TWIST2: variants seen among roughly 807,000 people sequenced by gnomAD.
TWIST2 encodes the protein twist family bHLH transcription factor 2, also known as twist-related protein 2.
A neutral mutation model predicts 11.6 loss-of-function variants in TWIST2; 1 was observed. The observed-to-expected ratio is 0.09, with a 90% CI of 0.03 to 0.41. The LOEUF (loss-of-function observed/expected upper bound fraction) is 0.41, where lower values mean the gene tolerates loss of function less well. TWIST2 is among the 10% of genes least tolerant of loss of function. TWIST2 has a pLI of 0.98. For synonymous variants in TWIST2, 87 were observed against 96.6 expected, an observed-to-expected ratio of 0.90 and a Z score of 0.58; for missense variants, 168 against 226.4, an observed-to-expected ratio of 0.74 and a Z score of 1.66.
intron 1 of TWIST2, among the ~76,000 whole-genome samples, chr2:238,905,952 TGTGTACGTGTGC>T (rs1693345314): frequency 0.015 from 1,764 of 114,556 alleles, 37 homozygotes; most frequent in African/African-American, 0.056. Flanking sequence ...TGCGCGCGCG[TGTGTACGTGTGC>T]GTGTGTGTGC....
At chr2:238,874,953 G>A (rs889315997) in intron 1 of TWIST2, among the ~76,000 whole-genome samples, 1 of 152,274 alleles carries the variant, frequency 6.6e-6, no homozygotes, top group East Asian at 1.9e-4. Context: ...TCCAGGCTCT[G>A]TTGATGACTT....
At chr2:238,853,833 C>T (rs904978220) in intron 1 of TWIST2, among the ~76,000 whole-genome samples, 1 of 152,198 alleles carries the variant, frequency 6.6e-6, no homozygotes, top group African/African-American at 2.4e-5. Context: ...CGGTATCTGA[C>T]GTGCTTCAGA....
intron 1 of TWIST2, among the ~76,000 whole-genome samples, chr2:238,877,057 C>T (rs923761133): frequency 2.6e-5 from 4 of 151,982 alleles, no homozygotes; most frequent in Non-Finnish European, 5.9e-5. Flanking sequence ...ATTAGCTGGG[C>T]GTGGTGGCGC....
intron 1 of TWIST2, among the ~76,000 whole-genome samples, chr2:238,870,151 C>CAT (rs1553568289): frequency 2.8e-5 from 1 of 35,840 alleles, no homozygotes; most frequent in Non-Finnish European, 5.6e-5. Context: ...CCCATACACA[C>CAT]CACACCCCAC....
chr2:238,907,489 C>G (rs982661550), intron 1 of TWIST2, among the ~76,000 whole-genome samples: 115 of 152,256 alleles, frequency 7.6e-4, no homozygotes, highest in South Asian at 5.6e-3. Context: ...CCAAGGCGCT[C>G]CCGGGACAGC....
Position 238,848,476 on chromosome 2 carries a change from G to A in TWIST2, c.261G>A (p.Ala87=). The part of the protein sequence containing the change: ...QRTQSLNEAF[A]ALRKIIPTLP... ...CCCAGTCGCTCAACGAGGCCTTCGC[G>A]GCGCTGCGCAAGATCATCCCCACGC... The change falls in exon 1 of 2, where the codon GCG becomes GCA. Residue 87 remains alanine, a synonymous_variant. Coordinates refer to ENST00000612363, the MANE Select transcript of TWIST2 (RefSeq NM_001271893.4). 6.4e-7 allele frequency: 1 copy of A among 1,573,254 alleles called. No homozygotes were observed. Among genetic ancestry groups the A allele is most frequent in the Non-Finnish European group, 8.6e-7 (1 of 1,162,020 alleles).
chr2:238,879,486 A>G (rs1692867678), intron 1 of TWIST2, among the ~76,000 whole-genome samples: 1 of 152,290 alleles, frequency 6.6e-6, no homozygotes, highest in South Asian at 2.1e-4. Flanking sequence ...CTACCTGGCC[A>G]CTAGGCCACA....
intron 1 of TWIST2, among the ~76,000 whole-genome samples, chr2:238,893,536 A>G (rs954946396): frequency 7.2e-4 from 109 of 152,248 alleles, no homozygotes; most frequent in African/African-American, 2.4e-3. Flanking sequence ...GAGCCTGGAC[A>G]CCTAGGCTTA....
intron 1 of TWIST2, among the ~76,000 whole-genome samples, chr2:238,869,821 G>A (rs1692613829): frequency 1.3e-5 from 2 of 152,136 alleles, no homozygotes; most frequent in South Asian, 2.1e-4. Context: ...GGCGGCCTAT[G>A]CCTATAATCC....
chr2:238,893,934 C>G (rs1398493998), intron 1 of TWIST2, among the ~76,000 whole-genome samples: 1 of 152,204 alleles, frequency 6.6e-6, no homozygotes, highest in East Asian at 1.9e-4. Flanking sequence ...CCCTTGACAC[C>G]CCCTGGTGTC....
chr2:238,848,770 G>T, intron 1 of TWIST2, 37 bp downstream of exon 1: 1 of 1,320,794 alleles, frequency 7.6e-7, no homozygotes, highest in East Asian at 3.1e-5. Context: ...CCTCCGCTGC[G>T]GGGGGCGGGC....
At chr2:238,897,773 C>T (rs1693222842) in intron 1 of TWIST2, among the ~76,000 whole-genome samples, 1 of 152,224 alleles carries the variant, frequency 6.6e-6, no homozygotes, top group African/African-American at 2.4e-5. Context: ...CTGGCACTGC[C>T]CATCCCAGCC....
Position 238,848,197 on chromosome 2 carries a change from C to G in TWIST2, c.-19C>G. 1 of 1,274,544 alleles carries G rather than the reference C, an allele frequency of 7.8e-7. No homozygotes were observed. Among genetic ancestry groups the G allele is most frequent in the Non-Finnish European group, 9.9e-7 (1 of 1,013,082 alleles). The allele number at this position is 1,274,544 out of a possible 1,614,324, so 79.0% of individuals were successfully genotyped here. A position where few individuals can be genotyped will look rare whatever the true frequency, so the allele number is the denominator to read the frequency against. Reference sequence around the variant, plus strand: ...CGGCGCCCCGGCGCCCCCAGCCCCACGCGCGCCGGGCGGGCGCCATGGAGG... The same window carrying G: ...CGGCGCCCCGGCGCCCCCAGCCCCAGGCGCGCCGGGCGGGCGCCATGGAGG... On this transcript the variant is annotated 5_prime_UTR_variant, in exon 1 of 2. Transcript: ENST00000612363.
chr2:238,906,038 GA>G (rs1248385269), intron 1 of TWIST2, among the ~76,000 whole-genome samples: 3 of 152,190 alleles, frequency 2.0e-5, no homozygotes, highest in African/African-American at 7.2e-5. Context: ...GGGTTTCAGG[GA>G]AAATACGTCT....
intron 1 of TWIST2, among the ~76,000 whole-genome samples, chr2:238,856,437 T>C (rs1365696480): frequency 6.6e-6 from 1 of 152,164 alleles, no homozygotes; most frequent in Non-Finnish European, 1.5e-5. Context: ...GTGAATAATA[T>C]CATGTAATTT....
In TWIST2 at chr2:238,866,441, G is replaced by C. The variant is rs1054433160; in HGVS notation, c.*35+17708G>C. Among the ~76,000 whole-genome samples, 21 of 152,148 alleles carry C rather than the reference G, an allele frequency of 1.4e-4. No individual in the cohort carries two copies. Among genetic ancestry groups the C allele is most frequent in the African/African-American group, 4.3e-4 (18 of 41,440 alleles). ...TGGGAGGCTGAGGCAGGCAGATCACGAGGTCAGGAATTCGAGACCAGCCTG... is the reference window on the plus strand; with the variant it reads ...TGGGAGGCTGAGGCAGGCAGATCACCAGGTCAGGAATTCGAGACCAGCCTG... On this transcript the variant is annotated intron_variant, in intron 1 of 1. Coordinates refer to ENST00000612363, the MANE Select transcript of TWIST2 (RefSeq NM_001271893.4). This position sits in a 1 kb window ranked among gnomAD's most constrained non-coding sequence, Gnocchi z 4.9.
In TWIST2 at chr2:238,867,414, C is replaced by A. The variant is rs1488792336; in HGVS notation, c.*35+18681C>A. On this transcript the variant is annotated intron_variant, in intron 1 of 1. Transcript: ENST00000612363. This position sits in a 1 kb window ranked among gnomAD's most constrained non-coding sequence, Gnocchi z 4.8. ...ACACACACACACACACACACACACTCCTCAGTAAAATACCCAGTTCTCACC... is the reference window on the plus strand; with the variant it reads ...ACACACACACACACACACACACACTACTCAGTAAAATACCCAGTTCTCACC... 2.7e-4 allele frequency among the ~76,000 whole-genome samples: 40 copies of A among 147,450 alleles called. No homozygotes were observed. Among genetic ancestry groups the A allele is most frequent in the Non-Finnish European group, 4.5e-4 (30 of 65,984 alleles).
rs1692165177 is a variant in TWIST2 at position 238,848,148 on chromosome 2, C to T, written c.-68C>T. On this transcript the variant is annotated 5_prime_UTR_variant, in exon 1 of 2. Transcript: ENST00000612363. ...TCCGAGAGCGTGTGCTCGGCGACCG[C>T]GGGCTTGGCCAGCGGCGCGCGCTCG... 5.2e-6 allele frequency: 6 copies of T among 1,155,050 alleles called. No homozygotes were observed. The highest frequency in any genetic ancestry group is 6.4e-6 in the Non-Finnish European group (6 of 937,658). The allele number at this position is 1,155,050 out of a possible 1,614,324, so 71.6% of individuals were successfully genotyped here. A position where few individuals can be genotyped will look rare whatever the true frequency, so the allele number is the denominator to read the frequency against.
intron 1 of TWIST2, among the ~76,000 whole-genome samples, chr2:238,870,565 A>ACACACACACCACACACACAT (rs1692658521): frequency 1.1e-5 from 1 of 90,930 alleles, no homozygotes; most frequent in Non-Finnish European, 2.2e-5. Flanking sequence ...CACACACCAC[A>ACACACACACCACACACACAT]CACCACACAC....
Sources: gnomAD v4.1 joint callset for allele counts (sites outside exome capture counted in the v4.1 genomes callset) on GRCh38, gnomAD v4.1.1 for gene constraint, Gnocchi (gnomAD v3.1) non-coding constraint, MANE v1.5 for transcripts, NCBI Gene and HGNC (gene_info 2026-07-23, HGNC 2026-07-21) for gene names.